ARHGAP26: variants seen among roughly 807,000 people sequenced by gnomAD.
The protein encoded by ARHGAP26 is rho GTPase-activating protein 26.
In ARHGAP26, 38 loss-of-function variants were observed where a neutral mutation model predicts 104.8. The ratio of observed to expected loss-of-function variants is 0.36; its 90% CI spans 0.28 to 0.48. The LOEUF is 0.48. ARHGAP26 is among the 20% of genes least tolerant of loss of function. ARHGAP26 has a pLI of 0.99. For missense variants in ARHGAP26, 704 were observed against 947.9 expected (o/e 0.74, Z 3.38); for synonymous variants, 341 against 340.0 (o/e 1.00, Z -0.03).
chr5:143,085,532 G>A (rs1335346677), intron 17 of ARHGAP26, among the ~76,000 whole-genome samples: 1 of 152,172 alleles, frequency 6.6e-6, no homozygotes, highest in Non-Finnish European at 1.5e-5. Context: ...ACGCGACAGA[G>A]GCAATAATGT....
At chr5:143,222,217 G>A in intron 22 of ARHGAP26, 141 bp from the exon 23 acceptor site, 1 of 468,762 alleles carries the variant, frequency 2.1e-6, no homozygotes. Flanking sequence ...CTTAATAAGT[G>A]ATTGTACTCA....
chr5:142,918,170 A>G (rs1366973127), intron 10 of ARHGAP26, among the ~76,000 whole-genome samples: 2 of 151,972 alleles, frequency 1.3e-5, no homozygotes, highest in African/African-American at 2.4e-5. Context: ...TTTTTGAGAC[A>G]GAGTCTTGCT....
At chr5:142,805,367 G>T (rs1762811437) in intron 1 of ARHGAP26, among the ~76,000 whole-genome samples, 1 of 152,152 alleles carries the variant, frequency 6.6e-6, no homozygotes, top group South Asian at 2.1e-4. Context: ...CTCCCAAAGT[G>T]CTGGGATTAC....
chr5:142,975,254 A>G (rs1221119809), intron 11 of ARHGAP26, among the ~76,000 whole-genome samples: 1 of 152,122 alleles, frequency 6.6e-6, no homozygotes, highest in Non-Finnish European at 1.5e-5. Flanking sequence ...CTGCAGCTTT[A>G]ATATAAAAGG....
At chr5:143,181,505 TC>T (rs1272090166) in intron 20 of ARHGAP26, among the ~76,000 whole-genome samples, 2 of 152,178 alleles carry the variant, frequency 1.3e-5, no homozygotes, top group Non-Finnish European at 2.9e-5. Context: ...GGAAGCATCA[TC>T]CCCAGTGGGG....
chr5:142,951,162 C>T (rs528645337), intron 11 of ARHGAP26, among the ~76,000 whole-genome samples: 3 of 152,102 alleles, frequency 2.0e-5, no homozygotes, highest in Non-Finnish European at 4.4e-5. Flanking sequence ...CAGGTTCAAG[C>T]GATTCTCCTG....
intron 1 of ARHGAP26, among the ~76,000 whole-genome samples, chr5:142,776,554 G>A (rs527798801): frequency 5.3e-5 from 8 of 152,120 alleles, no homozygotes; most frequent in Non-Finnish European, 7.4e-5. Context: ...GAGGCTCATC[G>A]TGTTGTAGCA....
At chr5:142,855,387 T>C (rs887299921) in intron 1 of ARHGAP26, among the ~76,000 whole-genome samples, 4 of 152,186 alleles carry the variant, frequency 2.6e-5, no homozygotes, top group African/African-American at 9.6e-5. Flanking sequence ...AAGTGGAGGT[T>C]TTAGAGGTGC....
At chr5:143,082,994 A>G (rs1449992389) in intron 17 of ARHGAP26, among the ~76,000 whole-genome samples, 1 of 152,204 alleles carries the variant, frequency 6.6e-6, no homozygotes, top group Non-Finnish European at 1.5e-5. Context: ...GTCACTGTAG[A>G]GTGACATTTT....
intron 20 of ARHGAP26, among the ~76,000 whole-genome samples, chr5:143,204,263 C>T (rs1808216664): frequency 6.6e-6 from 1 of 152,176 alleles, no homozygotes; most frequent in East Asian, 1.9e-4. Flanking sequence ...TGGCTCATGC[C>T]TGTAATTCCA....
At chr5:143,092,876 T>A (rs2150543248) in intron 17 of ARHGAP26, among the ~76,000 whole-genome samples, 1 of 152,348 alleles carries the variant, frequency 6.6e-6, no homozygotes, top group Non-Finnish European at 1.5e-5. Flanking sequence ...GCAATTTTCC[T>A]AACTCTGCTT....
At chr5:143,195,433 A>G (rs1806670107) in intron 20 of ARHGAP26, among the ~76,000 whole-genome samples, 2 of 152,178 alleles carry the variant, frequency 1.3e-5, no homozygotes, top group South Asian at 4.1e-4. Flanking sequence ...TAGTCCAAAC[A>G]GGAAATATTC....
At chr5:142,890,151 A>AAAAAATATATAT (rs1252590997) in intron 5 of ARHGAP26, among the ~76,000 whole-genome samples, 2 of 32,430 alleles carry the variant, frequency 6.2e-5, no homozygotes, top group African/African-American at 2.4e-4. Context: ...AAAAAAAAAA[A>AAAAAATATATAT]ATATATATAT....
chr5:142,771,472 G>A, intron 1 of ARHGAP26: 1 of 1,166,914 alleles, frequency 8.6e-7, no homozygotes, highest in Non-Finnish European at 1.1e-6. Flanking sequence ...CGATTCCTTG[G>A]AGTATTGGCA....
At chr5:142,939,814 C>G (rs1272645105) in intron 11 of ARHGAP26, among the ~76,000 whole-genome samples, 3 of 152,216 alleles carry the variant, frequency 2.0e-5, no homozygotes, top group Non-Finnish European at 4.4e-5. Flanking sequence ...CATAAGAGTG[C>G]TTTGTAAGGA....
intron 10 of ARHGAP26, among the ~76,000 whole-genome samples, chr5:142,916,002 C>G (rs1467124521): frequency 1.3e-5 from 2 of 152,144 alleles, no homozygotes; most frequent in Non-Finnish European, 2.9e-5. Flanking sequence ...TCCACAGGTT[C>G]CCCAGCTCCA....
rs553682152 is a variant in ARHGAP26 at position 143,223,514 on chromosome 5, C to A, written c.*1068C>A. 4.7e-5 allele frequency: 11 copies of A among 231,980 alleles called. No homozygotes were observed. The South Asian group carries it at 1.8e-3, about 38-fold the overall frequency. The allele number at this position is 231,980 out of a possible 1,614,324, so 14.4% of individuals were successfully genotyped here. ...TGGGTGATGCCATCTGACTGGTTTCCCCATGTCCTCCCATTCACCCATCTC... is the reference window on the plus strand; with the variant it reads ...TGGGTGATGCCATCTGACTGGTTTCACCATGTCCTCCCATTCACCCATCTC... On this transcript the variant is annotated 3_prime_UTR_variant, in exon 23 of 23. Coordinates refer to ENST00000645722, the MANE Select transcript of ARHGAP26 (RefSeq NM_001135608.3).
intron 1 of ARHGAP26, among the ~76,000 whole-genome samples, chr5:142,783,299 G>A (rs1033450004): frequency 2.1e-4 from 32 of 152,206 alleles, no homozygotes; most frequent in African/African-American, 7.0e-4. Flanking sequence ...CAGTTGTTCC[G>A]TGAGCTTGGC....
chr5:142,928,775 G>C (rs1010654197), intron 10 of ARHGAP26, among the ~76,000 whole-genome samples: 1 of 152,156 alleles, frequency 6.6e-6, no homozygotes, highest in Non-Finnish European at 1.5e-5. Context: ...ATAGTGCTTA[G>C]CACAGCAACT....
Sources: allele counts gnomAD v4.1 joint callset (sites outside exome capture counted in the v4.1 genomes callset), GRCh38; gene constraint gnomAD v4.1.1; transcripts MANE v1.5; gene names NCBI Gene and HGNC (gene_info 2026-07-23, HGNC 2026-07-21).